The following FN1 variants were observed in gnomAD, a reference collection of about 807,000 sequenced individuals.
The protein encoded by FN1 is fibronectin 1, also known as fibronectin.
In FN1, 106 loss-of-function variants were observed where a neutral mutation model predicts 297.3. The observed-to-expected ratio is 0.36, with a 90% CI of 0.30 to 0.42. The LOEUF (loss-of-function observed/expected upper bound fraction) is 0.42, where lower values mean the gene tolerates loss of function less well. FN1 is among the 10% of genes least tolerant of loss of function. The pLI is 1.00. For synonymous variants in FN1, 1,149 were observed against 1,152.6 expected (o/e 1.00, Z 0.06); for missense variants, 2,690 against 3,124.9 (o/e 0.86, Z 3.32).
chr2:215,377,342 T>C (rs1475781722), intron 35 of FN1, among the ~76,000 whole-genome samples: 1 of 152,188 alleles, frequency 6.6e-6, no homozygotes, highest in African/African-American at 2.4e-5. Context: ...TAATCTCCAA[T>C]GCTGGAGGTG....
At chr2:215,420,329 ACT>A (rs2064070655) in intron 11 of FN1, among the ~76,000 whole-genome samples, 1 of 148,810 alleles carries the variant, frequency 6.7e-6, no homozygotes, top group Non-Finnish European at 1.5e-5. Context: ...CAAGAGCGAA[ACT>A]CTCTCTCAAA....
chr2:215,361,328 C>T lies in FN1; in HGVS notation c.*227G>A, dbSNP rs572968350. On this transcript the variant is annotated 3_prime_UTR_variant, in exon 46 of 46. Transcript: ENST00000354785. Reference sequence around the variant, plus strand: ...AAATACTGAGCGGTATTGAATACTTCGAAGCAGAACAGGCAATGTGCAGCC... The same window carrying T: ...AAATACTGAGCGGTATTGAATACTTTGAAGCAGAACAGGCAATGTGCAGCC... 1.0e-4 allele frequency: 57 copies of T among 560,076 alleles called. No individual in the cohort carries two copies. The highest frequency in any genetic ancestry group is 5.7e-4 in the African/African-American group (30 of 53,056). 34.7% of individuals were successfully genotyped at this position (560,076 alleles called of 1,614,324 possible).
intron 24 of FN1, among the ~76,000 whole-genome samples, chr2:215,394,160 A>T (rs995139813): frequency 4.6e-5 from 7 of 152,250 alleles, no homozygotes; most frequent in Non-Finnish European, 8.8e-5. Context: ...AATCGGGCAG[A>T]AATGTACTGA....
rs138593265 is a variant in FN1 at position 215,376,624 on chromosome 2, T to C, written c.5761A>G (p.Ile1921Val). 1 of 1,613,978 alleles carries C rather than the reference T, an allele frequency of 6.2e-7. No homozygotes were observed. Among genetic ancestry groups the C allele is most frequent in the Non-Finnish European group, 8.5e-7 (1 of 1,179,976 alleles). ...ARVTDATETT[I>V]TISWRTKTET... ...GTCTTGGTTCTCCAGCTAATGGTGA[T>C]GGTGGTCTCAGTAGCATCTGTCACA... Residue 1921 changes from isoleucine to valine, a missense_variant, in exon 36 of 46, where the codon ATC (isoleucine) becomes GTC (valine). By Grantham distance (29) the Ile-to-Val change is conservative. Coordinates refer to ENST00000354785, the MANE Select transcript of FN1 (RefSeq NM_212482.4).
intron 44 of FN1, chr2:215,362,985 C>CT (rs2053803810): frequency 6.6e-6 from 1 of 152,172 alleles, no homozygotes; most frequent in East Asian, 1.9e-4. Flanking sequence ...TTGAGTTGGA[C>CT]TTTTTTCTTA....
chr2:215,420,726 AG>A lies in FN1; in HGVS notation c.1621del (p.Leu541Ter). On this transcript the variant is annotated frameshift_variant, in exon 11 of 46. Coordinates refer to ENST00000354785, the MANE Select transcript of FN1 (RefSeq NM_212482.4). LOFTEE classifies it high-confidence loss of function. ...FHKRHEEGHM[L>X]NCTCFGQGRG... ...ACCCTGACCGAAGCATGTACAGTTC[AG>A]CATGTGCCCCTCTTCATGACGCTTG... 1 of 1,614,176 alleles carries A rather than the reference AG, an allele frequency of 6.2e-7. No individual in the cohort carries two copies. Among genetic ancestry groups the A allele is most frequent in the Non-Finnish European group, 8.5e-7 (1 of 1,180,016 alleles).
chr2:215,408,367 T>A lies in FN1; in HGVS notation c.2359A>T (p.Ile787Phe), dbSNP rs530514393. 1.0e-4 allele frequency: 164 copies of A among 1,614,100 alleles called. 2 individuals are homozygous for A. In the South Asian group the frequency reaches 1.7e-3, roughly 17 times the overall value. ...TCAGATATCTGATAGACATTTACAA[T>A]GTATTTTCGGCCAGGAAGCAGGTCA... The part of the protein sequence containing the change: ...IPDLLPGRKY[I>F]VNVYQISEDG... The change falls in exon 16 of 46, where the codon ATT becomes TTT. Residue 787 changes from isoleucine (I) to phenylalanine (F), a missense_variant. Physicochemically the swap from Ile to Phe is conservative, Grantham distance 21 (BLOSUM62 0). This residue lies in a region of FN1 where 876 missense variants were observed against 1,058.1 expected (regional missense o/e 0.83). Coordinates refer to ENST00000354785, the MANE Select transcript of FN1 (RefSeq NM_212482.4).
At chr2:215,385,328 G>A (rs11897227) in intron 28 of FN1, among the ~76,000 whole-genome samples, 41,810 of 150,778 alleles carry the variant, frequency 0.28, 6,624 homozygotes, top group East Asian at 0.79. Flanking sequence ...TTGGGAGGCC[G>A]AGGCGGGTGG....
chr2:215,403,544 G>A (rs1329469289), intron 20 of FN1, among the ~76,000 whole-genome samples: 1 of 152,084 alleles, frequency 6.6e-6, no homozygotes, highest in Non-Finnish European at 1.5e-5. Flanking sequence ...TCAAAATGTC[G>A]AGTTGAAAAT....
At chr2:215,422,022 T>C in intron 10 of FN1, 69 bp downstream of exon 10, 1 of 1,464,444 alleles carries the variant, frequency 6.8e-7, no homozygotes, top group East Asian at 2.3e-5. Flanking sequence ...GTGCAAGTTT[T>C]CATAAAAAAA....
chr2:215,429,346 T>C (rs970826248), intron 5 of FN1, among the ~76,000 whole-genome samples: 1 of 152,218 alleles, frequency 6.6e-6, no homozygotes, highest in African/African-American at 2.4e-5. Context: ...TGACCATTAG[T>C]CTATGCGTGC....
chr2:215,397,657 A>G (rs1255135411), intron 22 of FN1, 23 bp downstream of exon 22: 1 of 1,611,286 alleles, frequency 6.2e-7, no homozygotes, highest in Non-Finnish European at 8.5e-7. Context: ...AAACTAATAG[A>G]AAAGGGAAAA....
Position 215,382,895 on chromosome 2 carries a change from G to C in FN1, c.5050+433C>G, listed in dbSNP as rs550361656. On this transcript the variant is annotated intron_variant, in intron 31 of 45. Transcript: ENST00000354785. ...CATGAATGGGGACAATGATGACATA[G>C]GACAAAAAAATACATAGTACTCACA... 4.0e-5 allele frequency among the ~76,000 whole-genome samples: 6 copies of C among 151,846 alleles called. No homozygotes were observed. In the East Asian group the frequency reaches 7.7e-4, roughly 20 times the overall value.
rs982522475 is a variant in FN1, at chr2:215,379,216, G to A, written c.5536C>T (p.Arg1846Trp). Residue 1846 changes from arginine to tryptophan, a missense_variant, in exon 34 of 46, where the codon CGG (arginine) becomes TGG (tryptophan). By Grantham distance (101) the Arg-to-Trp change is moderately radical. Transcript: ENST00000354785. ...PNVQLTGYRV[R>W]VTPKEKTGPM... is the part of the protein sequence containing the mutation. ...CCGGTCTTCTCCTTGGGGGTCACCC[G>A]CACTCGATATCCAGTGAGCTGAACA... 32 of 1,613,884 alleles carry A rather than the reference G, an allele frequency of 2.0e-5. No homozygotes were observed. The highest frequency in any genetic ancestry group is 3.3e-5 in the Admixed American group (2 of 59,994).
chr2:215,404,895 C>CT (rs1265655618), intron 19 of FN1, among the ~76,000 whole-genome samples: 1 of 152,114 alleles, frequency 6.6e-6, no homozygotes, highest in East Asian at 1.9e-4. Flanking sequence ...TTTGGGAAGT[C>CT]TAATTTTCCA....
chr2:215,431,684 A>G, intron 4 of FN1, 149 bp downstream of exon 4: 1 of 831,002 alleles, frequency 1.2e-6, no homozygotes, highest in Middle Eastern at 3.3e-4. Flanking sequence ...TATGGATTAT[A>G]TAATAATTCA....
intron 34 of FN1, 77 bp downstream of exon 34, chr2:215,379,053 T>C (rs2057793066): frequency 5.0e-6 from 6 of 1,202,346 alleles, no homozygotes; most frequent in Admixed American, 1.7e-5. Context: ...TATTATGATA[T>C]TATATTTTCA....
intron 40 of FN1, among the ~76,000 whole-genome samples, chr2:215,371,680 T>C (rs2056173087): frequency 6.6e-6 from 1 of 150,450 alleles, no homozygotes; most frequent in Non-Finnish European, 1.5e-5. Context: ...CCACTTTTTT[T>C]TTTTTTTTTT....
At chr2:215,413,796 T>C (rs1338237263) in intron 13 of FN1, among the ~76,000 whole-genome samples, 1 of 152,166 alleles carries the variant, frequency 6.6e-6, no homozygotes, top group Non-Finnish European at 1.5e-5. Flanking sequence ...TGTCTGAAAA[T>C]ATTATTTTGC....
Sources: allele counts gnomAD v4.1 joint callset (sites outside exome capture counted in the v4.1 genomes callset), GRCh38; gene constraint gnomAD v4.1.1; regional missense constraint gnomAD v4.1.1; transcripts MANE v1.5; gene names NCBI Gene and HGNC (gene_info 2026-07-23, HGNC 2026-07-21).